Variants in RBFOX1 observed in about 807,000 individuals in gnomAD.
RBFOX1 encodes RNA binding fox-1 homolog 1.
Under a neutral mutation model 57.7 loss-of-function variants are expected in RBFOX1, and 8 were observed. That is an observed-to-expected ratio of 0.14 (90% CI 0.08 to 0.25). The LOEUF is 0.25. Ranked by LOEUF, RBFOX1 falls within the 10% of genes least tolerant of loss-of-function variation. The pLI, the probability that RBFOX1 is intolerant of heterozygous loss-of-function variation, is 1.00. For missense variants in RBFOX1, 611 were observed against 548.5 expected (o/e 1.11, Z -1.14); for synonymous variants, 326 against 222.4 (o/e 1.47, Z -4.15).
chr16:5,634,824 C>G (rs1361264642), intron 3 of RBFOX1, among the ~76,000 whole-genome samples: 4 of 152,184 alleles, frequency 2.6e-5, no homozygotes, highest in Non-Finnish European at 5.9e-5. Context: ...TTACCATCAG[C>G]TCTTTGGCTT....
chr16:6,646,990 C>G (rs1462995101), intron 2 of RBFOX1, among the ~76,000 whole-genome samples: 1 of 152,090 alleles, frequency 6.6e-6, no homozygotes, highest in Non-Finnish European at 1.5e-5. Context: ...CCTGGGCTAC[C>G]CTAACAAACT....
At chr16:7,575,284 G>A (rs552158589) in intron 5 of RBFOX1, among the ~76,000 whole-genome samples, 30 of 152,070 alleles carry the variant, frequency 2.0e-4, no homozygotes, top group African/African-American at 6.0e-4. Flanking sequence ...ACAGGTGCGC[G>A]CTACCCCACC....
chr16:5,554,804 A>T (rs1171153647), intron 2 of RBFOX1, among the ~76,000 whole-genome samples: 1 of 152,234 alleles, frequency 6.6e-6, no homozygotes. Context: ...TGACAAGTTA[A>T]TTAATTCATT....
chr16:7,485,642 A>T (rs763667201), intron 4 of RBFOX1, among the ~76,000 whole-genome samples: 4 of 152,180 alleles, frequency 2.6e-5, no homozygotes, highest in Non-Finnish European at 5.9e-5. Context: ...TAAATAGAAG[A>T]TTGTTCTATC....
chr16:5,893,704 G>C (rs1458048190), intron 4 of RBFOX1, among the ~76,000 whole-genome samples: 2 of 152,048 alleles, frequency 1.3e-5, no homozygotes, highest in East Asian at 1.9e-4. Context: ...TGCTATGGAG[G>C]CTGAGACATA....
chr16:5,782,805 C>T (rs2054366953), intron 3 of RBFOX1, among the ~76,000 whole-genome samples: 1 of 152,146 alleles, frequency 6.6e-6, no homozygotes, highest in Non-Finnish European at 1.5e-5. Flanking sequence ...AGACCCAAAC[C>T]AGGGAAGCTG....
intron 14 of RBFOX1, among the ~76,000 whole-genome samples, chr16:7,704,991 C>G (rs977412829): frequency 1.3e-5 from 2 of 149,844 alleles, no homozygotes; most frequent in African/African-American, 4.9e-5. Context: ...TTAGAGTGAG[C>G]CGAGATCATG....
intron 1 of RBFOX1, among the ~76,000 whole-genome samples, chr16:5,276,209 C>A (rs963747098): frequency 6.6e-6 from 1 of 152,178 alleles, no homozygotes; most frequent in African/African-American, 2.4e-5. Flanking sequence ...TAAAAGCCTC[C>A]TGCACAGCAA....
At chr16:7,162,156 CT>C (rs1380730374) in intron 4 of RBFOX1, among the ~76,000 whole-genome samples, 3 of 152,126 alleles carry the variant, frequency 2.0e-5, no homozygotes, top group Non-Finnish European at 4.4e-5. Flanking sequence ...GTGCTTTTCC[CT>C]TTAGCTGAAT....
At chr16:6,607,374 C>G (rs920046651) in intron 2 of RBFOX1, among the ~76,000 whole-genome samples, 2 of 152,012 alleles carry the variant, frequency 1.3e-5, no homozygotes, top group African/African-American at 4.8e-5. Context: ...ACCATATGAC[C>G]AATTTCCAGT....
intron 4 of RBFOX1, among the ~76,000 whole-genome samples, chr16:7,285,476 A>G (rs1463161931): frequency 6.6e-6 from 1 of 151,974 alleles, no homozygotes; most frequent in African/African-American, 2.4e-5. Flanking sequence ...ATCCAACACC[A>G]CAGTCAGGAT....
intron 4 of RBFOX1, among the ~76,000 whole-genome samples, chr16:7,090,877 GACCAGCACAACCTCCCTT>G: frequency 1.2e-5 from 1 of 84,560 alleles, no homozygotes; most frequent in South Asian, 4.2e-4. Context: ...AAACCCTCTT[GACCAGCACAACCTCCCTT>G]GACCAGCACA....
At chr16:7,463,650 A>ATTG (rs1321656268) in intron 4 of RBFOX1, among the ~76,000 whole-genome samples, 1 of 152,184 alleles carries the variant, frequency 6.6e-6, no homozygotes, top group African/African-American at 2.4e-5. Flanking sequence ...TTAAACATTC[A>ATTG]AACCATAGCA....
chr16:5,668,783 C>G (rs2049928941), intron 3 of RBFOX1, among the ~76,000 whole-genome samples: 1 of 152,152 alleles, frequency 6.6e-6, no homozygotes, highest in African/African-American at 2.4e-5. Context: ...TGAGGTCATT[C>G]ACCATTATCT....
chr16:5,902,632 T>C (rs1226394817), intron 4 of RBFOX1, among the ~76,000 whole-genome samples: 2 of 152,024 alleles, frequency 1.3e-5, no homozygotes, highest in Admixed American at 6.6e-5. Context: ...GCCAGGCTGG[T>C]CTCAAACTCC....
At chr16:5,375,145 C>T (rs937431723) in intron 1 of RBFOX1, among the ~76,000 whole-genome samples, 1 of 135,328 alleles carries the variant, frequency 7.4e-6, no homozygotes, top group Non-Finnish European at 1.6e-5. Flanking sequence ...TGCTAGGTTA[C>T]ATAGAGTTAA....
At chr16:6,123,677 G>T (rs1001553626) in intron 1 of RBFOX1, among the ~76,000 whole-genome samples, 1 of 152,118 alleles carries the variant, frequency 6.6e-6, no homozygotes, top group African/African-American at 2.4e-5. Context: ...GGCTGAGGTG[G>T]GTGGATCATT....
rs140485398 is a variant in RBFOX1, at chr16:5,525,243, C to T, written c.258+57989C>T. Among the ~76,000 whole-genome samples, 767 of 152,206 alleles carry T rather than the reference C, an allele frequency of 5.0e-3. 4 individuals are homozygous for T. The highest frequency in any genetic ancestry group is 0.018 in the African/African-American group (735 of 41,536). ...TGCAGGGTCAGGAACTTGGTCTGATCACTGTTCCTCAGCTGAGAAGACATG... is the reference window on the plus strand; with the variant it reads ...TGCAGGGTCAGGAACTTGGTCTGATTACTGTTCCTCAGCTGAGAAGACATG... On this transcript the variant is annotated intron_variant, in intron 2 of 2. Transcript: ENST00000585867.
At chr16:7,586,191 C>T (rs1162743502) in intron 6 of RBFOX1, among the ~76,000 whole-genome samples, 1 of 152,168 alleles carries the variant, frequency 6.6e-6, no homozygotes, top group East Asian at 1.9e-4. Flanking sequence ...TTTCCCTGGG[C>T]CACAGTACAT....
Sources: gnomAD v4.1 joint callset for allele counts (sites outside exome capture counted in the v4.1 genomes callset) on GRCh38, gnomAD v4.1.1 for gene constraint, MANE v1.5 for transcripts, NCBI Gene and HGNC (gene_info 2026-07-23, HGNC 2026-07-21) for gene names.